The following TMEM192 variants were observed in gnomAD, a reference collection of about 807,000 sequenced individuals.
TMEM192 encodes the protein transmembrane protein 192.
TMEM192 carries 20 observed loss-of-function variants against 26.7 expected under a neutral mutation model. The observed-to-expected ratio is 0.75, with a 90% CI of 0.53 to 1.09. The LOEUF (loss-of-function observed/expected upper bound fraction) is 1.09, where lower values mean the gene tolerates loss of function less well. TMEM192 is among the 50% of genes least tolerant of loss of function. The probability of loss-of-function intolerance (pLI) is 0.00; values close to 1 mark genes in which losing one functional copy is unlikely to be tolerated. For synonymous variants in TMEM192, 124 were observed against 121.0 expected, an observed-to-expected ratio of 1.02 and a Z score of -0.16; for missense variants, 304 against 322.6, an observed-to-expected ratio of 0.94 and a Z score of 0.44.
intron 3 of TMEM192, among the ~76,000 whole-genome samples, chr4:165,089,719 T>C (rs1488313885): frequency 6.6e-6 from 1 of 152,020 alleles, no homozygotes; most frequent in Non-Finnish European, 1.5e-5. Flanking sequence ...TTTCTATGAC[T>C]GGCCAGGGGA....
rs931673425 is a variant in TMEM192 at position 165,072,980 on chromosome 4, A to T, written c.*6678T>A. ...GAGAGTGAACGCTGATGGAGAAGCCAAGAGGCCCAGGGGTTGAGCCCTGGA... is the reference window on the plus strand; with the variant it reads ...GAGAGTGAACGCTGATGGAGAAGCCTAGAGGCCCAGGGGTTGAGCCCTGGA... On this transcript the variant is annotated 3_prime_UTR_variant, in exon 6 of 6. Coordinates refer to ENST00000306480, the MANE Select transcript of TMEM192 (RefSeq NM_001100389.2). 2 of 152,076 alleles carry T rather than the reference A, an allele frequency of 1.3e-5. No individual in the cohort carries two copies. Among genetic ancestry groups the T allele is most frequent in the African/African-American group, 2.4e-5 (1 of 41,362 alleles). The allele number at this position is 152,076 out of a possible 1,614,324, so 9.4% of individuals were successfully genotyped here.
chr4:165,078,142 G>A lies in TMEM192; in HGVS notation c.*1516C>T, dbSNP rs1230208436. The A allele has an allele frequency of 1.3e-5, 2 of 152,088 alleles. No homozygotes were observed. The highest frequency in any genetic ancestry group is 2.4e-5 in the African/African-American group (1 of 41,422). 9.4% of individuals were successfully genotyped at this position (152,088 alleles called of 1,614,324 possible). On this transcript the variant is annotated 3_prime_UTR_variant, in exon 6 of 6. Coordinates refer to ENST00000306480, the MANE Select transcript of TMEM192 (RefSeq NM_001100389.2). The stretch of plus-strand genomic sequence containing the variant: ...CTGTATCTAAAAGAAACAGGTATTT[G>A]CCCTCCATAAGTCAAATAGATGTGG...
chr4:165,079,651 G>A lies in TMEM192; in HGVS notation c.*7C>T. The A allele has an allele frequency of 1.9e-6, 3 of 1,605,740 alleles. No homozygotes were observed. Among genetic ancestry groups the A allele is most frequent in the Non-Finnish European group, 2.6e-6 (3 of 1,175,466 alleles). On this transcript the variant is annotated 3_prime_UTR_variant, in exon 6 of 6. Coordinates refer to ENST00000306480, the MANE Select transcript of TMEM192 (RefSeq NM_001100389.2). The stretch of plus-strand genomic sequence containing the variant: ...CCTCTGCAATTGCTGTCATGACCGT[G>A]AGCCTCTCACGTTCTACTTGGCTGA...
intron 3 of TMEM192, among the ~76,000 whole-genome samples, chr4:165,092,927 A>G (rs1734800276): frequency 6.6e-6 from 1 of 151,700 alleles, no homozygotes; most frequent in African/African-American, 2.4e-5. Context: ...ATAAATAAAA[A>G]AAGTTTTGAC....
Position 165,074,964 on chromosome 4 carries a change from A to G in TMEM192, c.*4694T>C, listed in dbSNP as rs927845448. 6.6e-6 allele frequency: 1 copy of G among 152,252 alleles called. No individual in the cohort carries two copies. Among genetic ancestry groups the G allele is most frequent in the Non-Finnish European group, 1.5e-5 (1 of 68,040 alleles). The allele number at this position is 152,252 out of a possible 1,614,324, so 9.4% of individuals were successfully genotyped here. A position where few individuals can be genotyped will look rare whatever the true frequency, so the allele number is the denominator to read the frequency against. On this transcript the variant is annotated 3_prime_UTR_variant, in exon 6 of 6. Transcript: ENST00000306480. ...ATATACATGTCATAAAAGATTTATAAAAGACCATATAATTTGGAAAAAATG... is the reference window on the plus strand; with the variant it reads ...ATATACATGTCATAAAAGATTTATAGAAGACCATATAATTTGGAAAAAATG...
At chr4:165,109,796 A>C (rs994792673) in intron 1 of TMEM192, among the ~76,000 whole-genome samples, 3 of 152,190 alleles carry the variant, frequency 2.0e-5, no homozygotes, top group Non-Finnish European at 4.4e-5. Context: ...GAGCCCTACA[A>C]ATATCCTCCC....
intron 3 of TMEM192, 75 bp downstream of exon 3, chr4:165,100,553 C>A: frequency 2.0e-6 from 3 of 1,487,056 alleles, no homozygotes; most frequent in South Asian, 1.3e-5. Context: ...ATTCTAAAAT[C>A]AAACTTCATA....
intron 3 of TMEM192, among the ~76,000 whole-genome samples, chr4:165,099,560 T>C (rs1250565410): frequency 1.3e-5 from 2 of 152,166 alleles, no homozygotes; most frequent in African/African-American, 4.8e-5. Flanking sequence ...AGTTTTCTGT[T>C]TGATATAATG....
rs1578895335 is a variant in TMEM192 at position 165,076,585 on chromosome 4, C to A, written c.*3073G>T. 6.6e-6 allele frequency: 1 copy of A among 152,384 alleles called. No homozygotes were observed. Among genetic ancestry groups the A allele is most frequent in the East Asian group, 1.9e-4 (1 of 5,182 alleles). 9.4% of individuals were successfully genotyped at this position (152,384 alleles called of 1,614,324 possible). ...ATTCTTAAAACCCTCTACCCTCCTG[C>A]CCCCAGGGTACCCCCTGACGTGGAG... On this transcript the variant is annotated 3_prime_UTR_variant, in exon 6 of 6. Coordinates refer to ENST00000306480, the MANE Select transcript of TMEM192 (RefSeq NM_001100389.2).
chr4:165,087,156 C>T (rs563504514), intron 4 of TMEM192, among the ~76,000 whole-genome samples: 51 of 151,656 alleles, frequency 3.4e-4, no homozygotes, highest in Admixed American at 1.1e-3. Context: ...CACATGAAAA[C>T]GTTAGATTTT....
chr4:165,099,517 T>C (rs1425062025), intron 3 of TMEM192, among the ~76,000 whole-genome samples: 1 of 152,220 alleles, frequency 6.6e-6, no homozygotes, highest in Admixed American at 6.5e-5. Context: ...CTTCTGATCT[T>C]GCCTTCATAA....
chr4:165,092,344 ACTT>A (rs1453554519), intron 3 of TMEM192, among the ~76,000 whole-genome samples: 6 of 151,622 alleles, frequency 4.0e-5, no homozygotes, highest in Non-Finnish European at 1.5e-5. Context: ...CTGATCTTGA[ACTT>A]CTGACCGCAA....
intron 4 of TMEM192, among the ~76,000 whole-genome samples, chr4:165,087,501 T>C (rs1045678746): frequency 2.6e-5 from 4 of 152,174 alleles, no homozygotes; most frequent in African/African-American, 9.7e-5. Context: ...ATTTATCAAG[T>C]GGATGCAGGC....
At chr4:165,094,389 TTTTG>T (rs1157403101) in intron 3 of TMEM192, among the ~76,000 whole-genome samples, 1 of 152,196 alleles carries the variant, frequency 6.6e-6, no homozygotes, top group African/African-American at 2.4e-5. Context: ...TCTAAGTGCT[TTTTG>T]TTTTACATCA....
intron 3 of TMEM192, among the ~76,000 whole-genome samples, chr4:165,095,611 C>T (rs1734874665): frequency 6.6e-6 from 1 of 152,170 alleles, no homozygotes; most frequent in African/African-American, 2.4e-5. Context: ...TGCACTTTTG[C>T]ATGTCCTCAG....
intron 3 of TMEM192, among the ~76,000 whole-genome samples, chr4:165,097,207 C>G (rs1346114621): frequency 6.6e-6 from 1 of 152,050 alleles, no homozygotes; most frequent in Non-Finnish European, 1.5e-5. Flanking sequence ...AGAAAATGCA[C>G]TAACAGGCCG....
chr4:165,105,643 T>C (rs921349741), intron 1 of TMEM192, among the ~76,000 whole-genome samples: 20 of 152,122 alleles, frequency 1.3e-4, no homozygotes, highest in Non-Finnish European at 2.2e-4. Context: ...TTAACTCTTT[T>C]CTCTTTTTAA....
intron 1 of TMEM192, among the ~76,000 whole-genome samples, chr4:165,105,931 T>C (rs1159110372): frequency 6.6e-6 from 1 of 152,186 alleles, no homozygotes; most frequent in Non-Finnish European, 1.5e-5. Flanking sequence ...AGTGCCCTTA[T>C]AAAAGAGGCT....
At chr4:165,086,256 TA>T (rs1734613687) in intron 4 of TMEM192, among the ~76,000 whole-genome samples, 2 of 151,818 alleles carry the variant, frequency 1.3e-5, no homozygotes, top group South Asian at 4.2e-4. Flanking sequence ...ACTAGGAGAA[TA>T]AAGAAGGGTG....
Sources: gnomAD v4.1 joint callset for allele counts (sites outside exome capture counted in the v4.1 genomes callset) on GRCh38, gnomAD v4.1.1 for gene constraint, MANE v1.5 for transcripts, NCBI Gene and HGNC (gene_info 2026-07-23, HGNC 2026-07-21) for gene names.